CIT: variants seen among roughly 807,000 people sequenced by gnomAD.
CIT encodes citron rho-interacting serine/threonine kinase, also known as citron Rho-interacting kinase.
A neutral mutation model predicts 272.7 loss-of-function variants in CIT; 79 were observed. The ratio of observed to expected loss-of-function variants is 0.29; its 90% confidence interval spans 0.24 to 0.35. The LOEUF is 0.35. Ranked by LOEUF, CIT falls within the 10% of genes least tolerant of loss-of-function variation. The pLI is 1.00. For missense variants in CIT, 1,909 were observed against 2,618.3 expected (o/e 0.73, Z 5.91); for synonymous variants, 948 against 995.6 (o/e 0.95, Z 0.90).
intron 3 of CIT, 101 bp downstream of exon 3, chr12:119,868,959 T>C: frequency 7.2e-7 from 1 of 1,391,630 alleles, no homozygotes. Context: ...AGAACCAGAG[T>C]TCTTACCGAC....
intron 10 of CIT, among the ~76,000 whole-genome samples, chr12:119,796,997 G>A (rs1965784754): frequency 6.6e-6 from 1 of 152,248 alleles, no homozygotes; most frequent in Non-Finnish European, 1.5e-5. Context: ...AAAAAGAGGT[G>A]TTGAGTGCAG....
At chr12:119,832,922 T>C in intron 6 of CIT, 58 bp from the exon 7 acceptor site, 1 of 1,292,558 alleles carries the variant, frequency 7.7e-7, no homozygotes, top group Non-Finnish European at 1.1e-6. Flanking sequence ...AAGCAAGTGC[T>C]AACCTAGAAT....
chr12:119,759,748 T>C lies in CIT; in HGVS notation c.2422-1048A>G, dbSNP rs193294069. Among the ~76,000 whole-genome samples, 292 of 152,066 alleles carry C rather than the reference T, an allele frequency of 1.9e-3. 2 individuals are homozygous for C. Among genetic ancestry groups the C allele is most frequent in the African/African-American group, 6.9e-3 (284 of 41,448 alleles). On this transcript the variant is annotated intron_variant, in intron 20 of 47. Coordinates refer to ENST00000392521, the MANE Select transcript of CIT (RefSeq NM_001206999.2). ...CCATCCCCCCACCCCTGTGGAAAAA[T>C]TGTCTTCCACAAAACCGGTCCCTGG...
In CIT at chr12:119,753,747, A is replaced by AG. The variant is rs1473139070; in HGVS notation, c.2707-1501_2707-1500insC. ...GCGAGACTCTGCCTCAAAAAAAAAA[A>AG]AAGAAAAGAAAAAAAGATGACTCCC... On this transcript the variant is annotated intron_variant, in intron 22 of 47. Transcript: ENST00000392521. 3.3e-5 allele frequency among the ~76,000 whole-genome samples: 5 copies of AG among 151,930 alleles called. No individual in the cohort carries two copies. The East Asian group carries it at 9.6e-4, about 29-fold the overall frequency.
rs562807488 is a variant in CIT at position 119,804,311 on chromosome 12, G to A, written c.1112-922C>T. ...CGGTGGGCTCCCGGGGGTGTCCCCCGCCAGAAACGTTACCATGGTTGCAAG... is the reference window on the plus strand; with the variant it reads ...CGGTGGGCTCCCGGGGGTGTCCCCCACCAGAAACGTTACCATGGTTGCAAG... On this transcript the variant is annotated intron_variant, in intron 9 of 47. Transcript: ENST00000392521. This position sits in a 1 kb window ranked among gnomAD's most constrained non-coding sequence, Gnocchi z 5.3. 5 of 985,542 alleles carry A rather than the reference G, an allele frequency of 5.1e-6. No homozygotes were observed. Among genetic ancestry groups the A allele is most frequent in the East Asian group, 1.1e-4 (1 of 8,792 alleles). The allele number at this position is 985,542 out of a possible 1,614,324, so 61.0% of individuals were successfully genotyped here. A position where few individuals can be genotyped will look rare whatever the true frequency, so the allele number is the denominator to read the frequency against.
At chr12:119,773,022 A>AT in intron 16 of CIT, 112 bp from the exon 17 acceptor site, 2 of 1,071,500 alleles carry the variant, frequency 1.9e-6, no homozygotes, top group Non-Finnish European at 2.5e-6. Flanking sequence ...TCTAAAAAAA[A>AT]AAAAAAAAAG....
chr12:119,745,396 A>AAAAAAAAAAAAAAAAAAAAAAC, intron 23 of CIT, among the ~76,000 whole-genome samples: 1 of 146,124 alleles, frequency 6.8e-6, no homozygotes, highest in Non-Finnish European at 1.5e-5. Flanking sequence ...AAAAAAAAAA[A>AAAAAAAAAAAAAAAAAAAAAAC]AACACCTGTC....
At chr12:119,849,395 C>A (rs1039860629) in intron 5 of CIT, among the ~76,000 whole-genome samples, 11 of 152,030 alleles carry the variant, frequency 7.2e-5, no homozygotes, top group Non-Finnish European at 1.0e-4. Context: ...CCACCGCACT[C>A]CAGCCTGGGT....
In CIT at chr12:119,728,455, G is replaced by GA. The variant is rs538059536; in HGVS notation, c.3591+46dup. 4,674 of 1,196,232 alleles carry GA rather than the reference G, an allele frequency of 3.9e-3. No homozygotes were observed. Among genetic ancestry groups the GA allele is most frequent in the Non-Finnish European group, 4.5e-3 (3,804 of 845,598 alleles). 74.1% of individuals were successfully genotyped at this position (1,196,232 alleles called of 1,614,324 possible). On this transcript the variant is annotated intron_variant, in intron 28 of 47. Transcript: ENST00000392521. The surrounding 1 kb of genome is among the most constrained non-coding windows in gnomAD (Gnocchi z 4.3). The stretch of plus-strand genomic sequence containing the variant: ...TCCAAAAAAAAGAAGCCTATTAAAA[G>GA]AAAAAAAAAATCCACTTGGCCCTTC...
chr12:119,688,114 C>T lies in CIT; in HGVS notation c.*118G>A, dbSNP rs886386667. 17 of 1,153,714 alleles carry T rather than the reference C, an allele frequency of 1.5e-5. No individual in the cohort carries two copies. The highest frequency in any genetic ancestry group is 4.6e-5 in the African/African-American group (3 of 65,738). The allele number at this position is 1,153,714 out of a possible 1,614,324, so 71.5% of individuals were successfully genotyped here. A position where few individuals can be genotyped will look rare whatever the true frequency, so the allele number is the denominator to read the frequency against. On this transcript the variant is annotated 3_prime_UTR_variant, in exon 48 of 48. Transcript: ENST00000392521. Reference sequence around the variant, plus strand: ...TCCGTGCCGAGGTGGGTCTGGGCCCCGCTGAGCCAGAGGGTGGCTGAGCAC... The same window carrying T: ...TCCGTGCCGAGGTGGGTCTGGGCCCTGCTGAGCCAGAGGGTGGCTGAGCAC...
intron 3 of CIT, among the ~76,000 whole-genome samples, chr12:119,867,193 C>CT (rs111573740): frequency 0.029 from 4,258 of 146,022 alleles, 190 homozygotes; most frequent in African/African-American, 0.097. Context: ...AATACAATAA[C>CT]TTTTTTTTTT....
At chr12:119,812,478 T>C (rs1313108868) in intron 9 of CIT, among the ~76,000 whole-genome samples, 1 of 152,094 alleles carries the variant, frequency 6.6e-6, no homozygotes, top group Non-Finnish European at 1.5e-5. Flanking sequence ...CTCACTCTGA[T>C]GCCCAGGAGG....
chr12:119,695,804 G>A (rs1956197204), intron 46 of CIT, among the ~76,000 whole-genome samples: 1 of 152,064 alleles, frequency 6.6e-6, no homozygotes, highest in African/African-American at 2.4e-5. Flanking sequence ...AGTAGGGGGA[G>A]TGTATTTGCA....
rs199848260 is a variant in CIT at position 119,718,861 on chromosome 12, C to T, written c.3841G>A (p.Gly1281Ser). ...TCCTCTTTCCGTCGACTAAATAAAC[C>T]CTAGCAATGGAAACAGAGATATCTC... is the stretch of plus-strand genomic sequence containing the variant. Reference protein sequence around the residue: ...KMDQPAKKKKGLFSRRKEDPA... With the variant: ...KMDQPAKKKKSLFSRRKEDPA... The change falls in exon 31 of 48, where the codon GGT becomes AGT. Residue 1281 changes from glycine (G) to serine (S), a missense_variant and splice_region_variant. Gly to Ser is a moderately conservative substitution (Grantham distance 56). This residue lies in a region of CIT where 780 missense variants were observed against 1,067.2 expected (regional missense o/e 0.73). Coordinates refer to ENST00000392521, the MANE Select transcript of CIT (RefSeq NM_001206999.2). This position sits in a 1 kb window ranked among gnomAD's most constrained non-coding sequence, Gnocchi z 4.8. 1.4e-5 allele frequency: 23 copies of T among 1,613,926 alleles called. No individual in the cohort carries two copies. Among genetic ancestry groups the T allele is most frequent in the Non-Finnish European group, 1.9e-5 (22 of 1,179,914 alleles).
At chr12:119,751,164 G>A (rs1240719814) in intron 23 of CIT, among the ~76,000 whole-genome samples, 1 of 152,198 alleles carries the variant, frequency 6.6e-6, no homozygotes, top group East Asian at 1.9e-4. Context: ...TAGGTCCTCC[G>A]GGGATCCTTC....
chr12:119,771,507 C>T (rs1963145913), intron 17 of CIT, among the ~76,000 whole-genome samples: 1 of 152,056 alleles, frequency 6.6e-6, no homozygotes, highest in Non-Finnish European at 1.5e-5. Context: ...CAGCACAGCA[C>T]ATGTTAAGGG....
rs144380217 is a variant in CIT, at chr12:119,830,852, T to A, written c.753+1919A>T. Among the ~76,000 whole-genome samples, 3 of 152,354 alleles carry A rather than the reference T, an allele frequency of 2.0e-5. No homozygotes were observed. The East Asian group carries it at 5.8e-4, about 29-fold the overall frequency. ...TATTTCTAAATCCATGATTTTTTTTTAATTTCACGAATGCAGCATATAAAT... is the reference window on the plus strand; with the variant it reads ...TATTTCTAAATCCATGATTTTTTTTAAATTTCACGAATGCAGCATATAAAT... On this transcript the variant is annotated intron_variant, in intron 7 of 47. Transcript: ENST00000392521.
intron 5 of CIT, among the ~76,000 whole-genome samples, chr12:119,840,930 A>G (rs1402339005): frequency 2.0e-5 from 3 of 152,212 alleles, no homozygotes; most frequent in African/African-American, 7.2e-5. Flanking sequence ...CTATTCATGA[A>G]AGCCTAGAAA....
chr12:119,699,595 G>A (rs1184696829), intron 44 of CIT, among the ~76,000 whole-genome samples: 1 of 152,158 alleles, frequency 6.6e-6, no homozygotes, highest in African/African-American at 2.4e-5. Flanking sequence ...CTATATTCTT[G>A]GAAGAAGCCA....
Sources: allele counts gnomAD v4.1 joint callset (sites outside exome capture counted in the v4.1 genomes callset), GRCh38; gene constraint gnomAD v4.1.1; regional missense constraint gnomAD v4.1.1; non-coding constraint Gnocchi (gnomAD v3.1); transcripts MANE v1.5; gene names NCBI Gene and HGNC (gene_info 2026-07-23, HGNC 2026-07-21).